Variants in SLC39A8 observed in about 807,000 individuals in gnomAD.
The protein encoded by SLC39A8 is solute carrier family 39 member 8, also known as metal cation symporter ZIP8.
SLC39A8 carries 15 observed loss-of-function variants against 40.4 expected under a neutral mutation model. That is an observed-to-expected ratio of 0.37 (90% CI 0.25 to 0.57). The LOEUF (loss-of-function observed/expected upper bound fraction) is 0.57. SLC39A8 is among the 20% of genes least tolerant of loss of function. The pLI is 0.75. For synonymous variants in SLC39A8, 223 were observed against 221.6 expected (o/e 1.01, Z -0.06); for missense variants, 472 against 558.8 (o/e 0.84, Z 1.57).
chr4:102,344,342 A>T, intron 2 of SLC39A8, 102 bp downstream of exon 2: 6 of 765,072 alleles, frequency 7.8e-6, no homozygotes, highest in Non-Finnish European at 1.2e-5. Flanking sequence ...ATATAACAAG[A>T]TTCTTTCTCC....
At chr4:102,252,637 G>A (rs1337093382) in exon 12 of SLC39A8, 1 of 152,210 alleles carries the variant, frequency 6.6e-6, no homozygotes, top group Non-Finnish European at 1.5e-5. Flanking sequence ...GAAGAGGCTT[G>A]TCAATTCAGT....
chr4:102,333,825 CAGGCTCG>C (rs529695001), intron 2 of SLC39A8, among the ~76,000 whole-genome samples: 40 of 151,938 alleles, frequency 2.6e-4, no homozygotes, highest in African/African-American at 8.2e-4. Flanking sequence ...CAAAATAAAA[CAGGCTCG>C]AGATGGAAAC....
chr4:102,334,648 C>G (rs1735595438), intron 2 of SLC39A8, among the ~76,000 whole-genome samples: 1 of 152,148 alleles, frequency 6.6e-6, no homozygotes, highest in African/African-American at 2.4e-5. Flanking sequence ...GGCATTAGTT[C>G]TACCTTGACA....
chr4:102,336,864 G>C (rs930418658), intron 2 of SLC39A8, among the ~76,000 whole-genome samples: 22 of 152,174 alleles, frequency 1.4e-4, no homozygotes, highest in Non-Finnish European at 2.5e-4. Flanking sequence ...AAATTAATTA[G>C]TTTTGATTAC....
In SLC39A8 at chr4:102,263,207, A is replaced by C; in HGVS notation, c.1234-14T>G. Reference sequence around the variant, plus strand: ...CATCTCTGGAAACTAGAAGACAGATATATTGTTAGATAACTGTTGCCATCT... The same window carrying C: ...CATCTCTGGAAACTAGAAGACAGATCTATTGTTAGATAACTGTTGCCATCT... On this transcript the variant is annotated splice_polypyrimidine_tract_variant and intron_variant, in intron 8 of 8. Coordinates refer to ENST00000356736, the MANE Select transcript of SLC39A8 (RefSeq NM_001135146.2). 6.2e-7 allele frequency: 1 copy of C among 1,609,894 alleles called. No homozygotes were observed. The highest frequency in any genetic ancestry group is 8.5e-7 in the Non-Finnish European group (1 of 1,177,044).
chr4:102,282,548 T>G (rs1248977752), intron 6 of SLC39A8, among the ~76,000 whole-genome samples: 3 of 152,238 alleles, frequency 2.0e-5, no homozygotes, highest in African/African-American at 7.2e-5. Flanking sequence ...GGACAAGATG[T>G]TTTTTTCCTT....
chr4:102,281,060 A>G (rs1732848105), intron 6 of SLC39A8, among the ~76,000 whole-genome samples: 1 of 152,210 alleles, frequency 6.6e-6, no homozygotes, highest in South Asian at 2.1e-4. Flanking sequence ...AAGGCTGCTT[A>G]CTGTTGCTAC....
chr4:102,344,511 A>T lies in SLC39A8; in HGVS notation c.152T>A (p.Leu51Ter). ...LSLSAAQLQHLLEQMGAASRV... is the reference protein window; with the variant it reads ...LSLSAAQLQH ...GGAGGCGGCTCCCATCTGCTCCAGC[A>T]AGTGCTGGAGCTGCGCCGCCGACAG... The change falls in exon 2 of 9, where the codon TTG (leucine) becomes TAG (stop). Residue 51 changes from leucine (L) to a stop codon, truncating the protein, a stop_gained. Transcript: ENST00000356736. LOFTEE classifies it high-confidence loss of function. 1 of 1,558,840 alleles carries T rather than the reference A, an allele frequency of 6.4e-7. No individual in the cohort carries two copies. Among genetic ancestry groups the T allele is most frequent in the Non-Finnish European group, 8.7e-7 (1 of 1,152,078 alleles).
At chr4:102,304,609 T>C (rs1734069663) in intron 5 of SLC39A8, 128 bp from the exon 6 acceptor site, 1 of 671,550 alleles carries the variant, frequency 1.5e-6, no homozygotes, top group East Asian at 2.9e-5. Flanking sequence ...TGTAAAGAAG[T>C]ATTTTTAGAT....
chr4:102,312,065 T>G (rs904373563), intron 3 of SLC39A8, among the ~76,000 whole-genome samples: 1 of 152,048 alleles, frequency 6.6e-6, no homozygotes, highest in Non-Finnish European at 1.5e-5. Context: ...ATTAACTCAT[T>G]TGATACTCCC....
intron 2 of SLC39A8, among the ~76,000 whole-genome samples, chr4:102,329,873 T>C (rs1393812746): frequency 6.6e-6 from 1 of 152,118 alleles, no homozygotes; most frequent in African/African-American, 2.4e-5. Context: ...AGGATTAAGA[T>C]ACTCACTCAA....
At chr4:102,278,994 A>G (rs1385375057) in intron 6 of SLC39A8, among the ~76,000 whole-genome samples, 19 of 144,714 alleles carry the variant, frequency 1.3e-4, no homozygotes. Context: ...GGGGCCTGTT[A>G]GTGGGGTGGG....
In SLC39A8 at chr4:102,304,574, A is replaced by G. The variant is rs1734067759; in HGVS notation, c.676-93T>C. The G allele has an allele frequency of 4.8e-6, 5 of 1,040,176 alleles. No homozygotes were observed. In the East Asian group the frequency reaches 1.3e-4, roughly 27 times the overall value. 64.4% of individuals were successfully genotyped at this position (1,040,176 alleles called of 1,614,324 possible). On this transcript the variant is annotated intron_variant, in intron 5 of 8. Coordinates refer to ENST00000356736, the MANE Select transcript of SLC39A8 (RefSeq NM_001135146.2). Reference sequence around the variant, plus strand: ...GAGTTTACTGCTTTTTATTTATAAGAGGAAAATTGTATGTCTATTCTATGT... The same window carrying G: ...GAGTTTACTGCTTTTTATTTATAAGGGGAAAATTGTATGTCTATTCTATGT...
chr4:102,257,233 C>A (rs1242760542), downstream of SLC39A8, among the ~76,000 whole-genome samples: 1 of 151,778 alleles, frequency 6.6e-6, no homozygotes, highest in East Asian at 1.9e-4. Flanking sequence ...CGGCTCACTG[C>A]AACCTCTGCC....
At chr4:102,312,248 C>T (rs1734465224) in intron 3 of SLC39A8, among the ~76,000 whole-genome samples, 1 of 152,048 alleles carries the variant, frequency 6.6e-6, no homozygotes. Context: ...CTAAATTCCC[C>T]TGGAAACATT....
At chr4:102,302,911 A>T (rs747966771) in intron 6 of SLC39A8, among the ~76,000 whole-genome samples, 3 of 152,014 alleles carry the variant, frequency 2.0e-5, no homozygotes, top group Non-Finnish European at 4.4e-5. Flanking sequence ...AGCATCATTC[A>T]TTACACTGCA....
chr4:102,300,554 A>G (rs1733879614), intron 6 of SLC39A8, among the ~76,000 whole-genome samples: 1 of 152,050 alleles, frequency 6.6e-6, no homozygotes, highest in Non-Finnish European at 1.5e-5. Flanking sequence ...AGATTTTCAC[A>G]TAATTTACAT....
At chr4:102,314,324 G>T (rs925049330) in intron 3 of SLC39A8, among the ~76,000 whole-genome samples, 6 of 151,974 alleles carry the variant, frequency 3.9e-5, no homozygotes, top group Non-Finnish European at 8.8e-5. Flanking sequence ...CAATCACCCT[G>T]CTTCTACTCT....
chr4:102,291,813 G>A (rs144555858), intron 6 of SLC39A8, among the ~76,000 whole-genome samples: 38 of 151,982 alleles, frequency 2.5e-4, no homozygotes, highest in African/African-American at 8.2e-4. Context: ...TCCATCAACA[G>A]ACAAATGGAC....
Sources: gnomAD v4.1 joint callset for allele counts (sites outside exome capture counted in the v4.1 genomes callset) on GRCh38, gnomAD v4.1.1 for gene constraint, MANE v1.5 for transcripts, NCBI Gene and HGNC (gene_info 2026-07-23, HGNC 2026-07-21) for gene names.